The following DSE variants were observed in gnomAD, a reference collection of about 807,000 sequenced individuals.
The protein encoded by DSE is dermatan sulfate epimerase, also known as dermatan-sulfate epimerase.
A neutral mutation model predicts 84.4 loss-of-function variants in DSE; 36 were observed. The ratio of observed to expected loss-of-function variants is 0.43; its 90% CI spans 0.33 to 0.56. DSE has a LOEUF of 0.56. Among genes scored for constraint, DSE ranks in the 20% least tolerant of loss-of-function variants. The probability of loss-of-function intolerance (pLI) is 0.06; values close to 1 mark genes in which losing one functional copy is unlikely to be tolerated. For synonymous variants in DSE, 410 were observed against 430.1 expected (o/e 0.95, Z 0.58); for missense variants, 862 against 1,169.6 (o/e 0.74, Z 3.84).
intron 2 of DSE, among the ~76,000 whole-genome samples, chr6:116,363,299 T>C (rs1349577156): frequency 2.0e-5 from 3 of 148,766 alleles, no homozygotes; most frequent in Non-Finnish European, 3.0e-5. Flanking sequence ...GTCTATATGA[T>C]AGATACTTGC....
At chr6:116,358,809 T>C (rs1778723885) in intron 2 of DSE, among the ~76,000 whole-genome samples, 1 of 152,238 alleles carries the variant, frequency 6.6e-6, no homozygotes, top group South Asian at 2.1e-4. Flanking sequence ...TTTTGCCTTT[T>C]GTTTGGCTAA....
chr6:116,317,188 G>A (rs1562225583), intron 2 of DSE, among the ~76,000 whole-genome samples: 2 of 152,204 alleles, frequency 1.3e-5, no homozygotes, highest in African/African-American at 4.8e-5. Flanking sequence ...TATTAGAGGA[G>A]TCACTCATCT....
chr6:116,419,793 G>A (rs746536961), intron 2 of DSE, among the ~76,000 whole-genome samples: 2 of 152,080 alleles, frequency 1.3e-5, no homozygotes, highest in East Asian at 1.9e-4. Context: ...GATTTTAAAC[G>A]CAAATCTTCT....
At chr6:116,284,627 A>C (rs1223073100) in intron 2 of DSE, among the ~76,000 whole-genome samples, 3 of 150,880 alleles carry the variant, frequency 2.0e-5, no homozygotes, top group Admixed American at 6.6e-5. Context: ...CGTCATTTAC[A>C]CATTAGGTAT....
chr6:116,435,274 A>G (rs1784074559), intron 5 of DSE, among the ~76,000 whole-genome samples: 1 of 152,240 alleles, frequency 6.6e-6, no homozygotes, highest in South Asian at 2.1e-4. Context: ...GCTTAAATCC[A>G]TGAGGCCCAG....
chr6:116,378,328 T>A (rs1325431443), intron 1 of DSE, among the ~76,000 whole-genome samples: 5 of 152,222 alleles, frequency 3.3e-5, no homozygotes, highest in Non-Finnish European at 2.9e-5. Context: ...CTTCTGGGGC[T>A]CTAATTTATG....
At chr6:116,343,755 GC>G (rs1777769838) in intron 2 of DSE, among the ~76,000 whole-genome samples, 2 of 152,236 alleles carry the variant, frequency 1.3e-5, no homozygotes, top group Admixed American at 1.3e-4. Context: ...TTCCTCGCCA[GC>G]AACAGAACAA....
At chr6:116,342,334 G>C (rs571049169) in intron 2 of DSE, among the ~76,000 whole-genome samples, 38 of 143,472 alleles carry the variant, frequency 2.6e-4, no homozygotes, top group Non-Finnish European at 5.4e-4. Context: ...GAGCCAGAGT[G>C]CAATGGCGCG....
rs1583146556 is a variant in DSE at position 116,385,814 on chromosome 6, A to G, written c.-53-13384A>G. Among the ~76,000 whole-genome samples the G allele has an allele frequency of 2.0e-4, 3 of 15,344 alleles. No individual in the cohort carries two copies. In the Admixed American group the frequency reaches 2.5e-3, roughly 13 times the overall value. 10.1% of individuals were successfully genotyped at this position (15,344 alleles called of 152,430 possible). A position where few individuals can be genotyped will look rare whatever the true frequency, so the allele number is the denominator to read the frequency against. ...AATGTTTGGAAATGTTAAAGACAGC[A>G]AAAAAAAAAAAAAAGTAAATTTTAT... is the stretch of plus-strand genomic sequence containing the variant. On this transcript the variant is annotated intron_variant, in intron 1 of 5. Transcript: ENST00000644252.
intron 2 of DSE, among the ~76,000 whole-genome samples, chr6:116,344,986 A>T (rs986389083): frequency 6.6e-6 from 1 of 152,206 alleles, no homozygotes. Context: ...GTCTCTGATA[A>T]AACAGACTTT....
At chr6:116,396,908 CA>C (rs1257950971) in intron 1 of DSE, among the ~76,000 whole-genome samples, 1 of 152,084 alleles carries the variant, frequency 6.6e-6, no homozygotes, top group African/African-American at 2.4e-5. Context: ...GAAGTTTGTA[CA>C]GAATGTGAGA....
upstream of DSE, chr6:116,370,930 C>T (rs1470240635): frequency 1.0e-6 from 1 of 985,402 alleles, no homozygotes; most frequent in Non-Finnish European, 1.2e-6. Flanking sequence ...CTACCCGCCC[C>T]CGCCGGCCCG....
chr6:116,411,302 A>G (rs940067369), intron 2 of DSE, among the ~76,000 whole-genome samples: 1 of 152,220 alleles, frequency 6.6e-6, no homozygotes, highest in African/African-American at 2.4e-5. Flanking sequence ...TTTAGTTCAA[A>G]TTATCCTGCT....
Position 116,354,805 on chromosome 6 carries a change from T to A in DSE, c.-53-44393T>A, listed in dbSNP as rs565542508. On this transcript the variant is annotated intron_variant, in intron 2 of 3. Coordinates refer to the DSE transcript ENST00000430252. Reference sequence around the variant, plus strand: ...TATTTTTTGGTTACATTACTTTTTATAATAAAATAGTGACATGTTTTACAT... The same window carrying A: ...TATTTTTTGGTTACATTACTTTTTAAAATAAAATAGTGACATGTTTTACAT... Among the ~76,000 whole-genome samples the A allele has an allele frequency of 9.2e-5, 14 of 152,340 alleles. No homozygotes were observed. The East Asian group carries it at 2.5e-3, about 27-fold the overall frequency.
At chr6:116,388,990 G>C (rs1247859750) in intron 1 of DSE, among the ~76,000 whole-genome samples, 3 of 152,148 alleles carry the variant, frequency 2.0e-5, no homozygotes, top group Admixed American at 6.6e-5. Context: ...GAGACTGCAA[G>C]GTTGAGAATA....
At chr6:116,303,512 C>A (rs576957466) in intron 2 of DSE, among the ~76,000 whole-genome samples, 1 of 152,000 alleles carries the variant, frequency 6.6e-6, no homozygotes, top group Non-Finnish European at 1.5e-5. Flanking sequence ...TGTAGATGAT[C>A]GGTATATATA....
rs756931429 is a variant in DSE, at chr6:116,430,704, G to T, written c.671-250G>T. On this transcript the variant is annotated intron_variant, in intron 3 of 5. Transcript: ENST00000644252. ...CTACAGGCATCTGCCACCACACCCG[G>T]CTAATTTTTTGTAATTTTAGTGGAG... is the stretch of plus-strand genomic sequence containing the variant. Among the ~76,000 whole-genome samples, 66 of 152,158 alleles carry T rather than the reference G, an allele frequency of 4.3e-4. 1 individual carries two copies. Among genetic ancestry groups the T allele is most frequent in the Non-Finnish European group, 8.8e-5 (6 of 68,040 alleles).
At chr6:116,282,044 T>C (rs1318601574) in intron 2 of DSE, among the ~76,000 whole-genome samples, 2 of 152,232 alleles carry the variant, frequency 1.3e-5, no homozygotes, top group African/African-American at 2.4e-5. Flanking sequence ...AAGACCAGCA[T>C]ATTTAGGTGA....
At chr6:116,316,826 CTAT>C (rs5879374) in intron 2 of DSE, among the ~76,000 whole-genome samples, 7 of 145,828 alleles carry the variant, frequency 4.8e-5, no homozygotes, top group East Asian at 2.0e-4. Flanking sequence ...ACTACTACTA[CTAT>C]TATTATTATT....
Sources: allele counts gnomAD v4.1 joint callset (sites outside exome capture counted in the v4.1 genomes callset), GRCh38; gene constraint gnomAD v4.1.1; transcripts MANE v1.5; gene names NCBI Gene and HGNC (gene_info 2026-07-23, HGNC 2026-07-21).